The following GLI3 variants were observed in gnomAD, a reference collection of about 807,000 sequenced individuals.
The protein encoded by GLI3 is transcription activator GLI3.
A neutral mutation model predicts 100.8 loss-of-function variants in GLI3; 20 were observed. The ratio of observed to expected loss-of-function variants is 0.20; its 90% confidence interval spans 0.14 to 0.29. The LOEUF (loss-of-function observed/expected upper bound fraction) is 0.29. GLI3 is among the 10% of genes least tolerant of loss of function. The pLI, the probability that GLI3 is intolerant of heterozygous loss-of-function variation, is 1.00. For synonymous variants in GLI3, 938 were observed against 860.5 expected, an observed-to-expected ratio of 1.09 and a Z score of -1.58; for missense variants, 2,040 against 2,128.5, an observed-to-expected ratio of 0.96 and a Z score of 0.82.
In GLI3 at chr7:42,148,319, C is replaced by A. The variant is rs1193014287; in HGVS notation, c.274G>T (p.Gly92Trp). Residue 92 changes from glycine to tryptophan, a missense_variant, in exon 3 of 15, where the codon GGG (glycine) becomes TGG (tryptophan). Transcript: ENST00000395925. ...RASLIKKEIH[G>W]SLPHVAEPSV... ...GGCTCCGCCACGTGTGGCAGGGACC[C>A]ATGGATCTCTTTCTTGATCAATGAG... 6.2e-7 allele frequency: 1 copy of A among 1,613,680 alleles called. No individual in the cohort carries two copies. The highest frequency in any genetic ancestry group is 1.1e-5 in the South Asian group (1 of 90,986).
chr7:42,180,818 T>G (rs897529209), intron 2 of GLI3, among the ~76,000 whole-genome samples: 3 of 152,242 alleles, frequency 2.0e-5, no homozygotes, highest in African/African-American at 7.2e-5. Context: ...GTAATTACCC[T>G]TTCTATTGTC....
At chr7:42,254,225 A>AAC (rs902776487) in intron 1 of GLI3, among the ~76,000 whole-genome samples, 1 of 151,594 alleles carries the variant, frequency 6.6e-6, no homozygotes, top group African/African-American at 2.4e-5. Context: ...GTTAAAAAAA[A>AAC]AAAAAAAGCC....
chr7:42,112,388 T>A (rs552914720), intron 3 of GLI3, among the ~76,000 whole-genome samples: 27 of 152,268 alleles, frequency 1.8e-4, no homozygotes, highest in Non-Finnish European at 3.2e-4. Context: ...CTAGATAGAA[T>A]GAATAAGATC....
intron 3 of GLI3, among the ~76,000 whole-genome samples, chr7:42,125,253 G>A (rs554719162): frequency 2.2e-4 from 33 of 152,256 alleles, no homozygotes; most frequent in South Asian, 6.2e-4. Flanking sequence ...TACAGGTGGC[G>A]CCAAGGTCCC....
intron 7 of GLI3, among the ~76,000 whole-genome samples, chr7:42,038,926 A>G (rs1274487942): frequency 6.6e-6 from 1 of 152,184 alleles, no homozygotes; most frequent in Non-Finnish European, 1.5e-5. Context: ...ATGAACAACT[A>G]ACGCTACCGC....
chr7:42,069,046 ACAG>A (rs1248984325), intron 4 of GLI3, among the ~76,000 whole-genome samples: 1 of 152,198 alleles, frequency 6.6e-6, no homozygotes, highest in Non-Finnish European at 1.5e-5. Context: ...GGCCCCCGCA[ACAG>A]GTTTGACAGC....
At chr7:42,119,971 C>T (rs920961380) in intron 3 of GLI3, among the ~76,000 whole-genome samples, 1 of 152,190 alleles carries the variant, frequency 6.6e-6, no homozygotes, top group African/African-American at 2.4e-5. Context: ...CAGACACACG[C>T]ACACACGCCC....
intron 3 of GLI3, among the ~76,000 whole-genome samples, chr7:42,132,245 C>CGCCTGCCACCACGCCT (rs201880044): frequency 0.32 from 46,018 of 145,278 alleles, 8,544 homozygotes; most frequent in African/African-American, 0.57. Context: ...GGACTACAGG[C>CGCCTGCCACCACGCCT]GCCCGCCACT....
At chr7:42,162,852 C>T (rs564410164) in intron 2 of GLI3, among the ~76,000 whole-genome samples, 4 of 152,020 alleles carry the variant, frequency 2.6e-5, no homozygotes, top group Admixed American at 1.3e-4. Context: ...CCAAGTAGCT[C>T]GGCCTTACAA....
chr7:42,230,265 C>T (rs1030169940), intron 1 of GLI3, among the ~76,000 whole-genome samples: 2 of 152,068 alleles, frequency 1.3e-5, no homozygotes, highest in Non-Finnish European at 2.9e-5. Flanking sequence ...TCTATCTGTC[C>T]GCTTTGCCAT....
chr7:42,257,633 C>T (rs943739313), intron 1 of GLI3, among the ~76,000 whole-genome samples: 2 of 152,012 alleles, frequency 1.3e-5, no homozygotes, highest in African/African-American at 4.8e-5. Context: ...CATGAGCCAC[C>T]GTGCACGTCC....
intron 12 of GLI3, among the ~76,000 whole-genome samples, 157 bp downstream of exon 12, chr7:41,977,401 T>A (rs1344394590): frequency 1.3e-5 from 2 of 152,190 alleles, no homozygotes; most frequent in African/African-American, 4.8e-5. Flanking sequence ...CAGTCCCACC[T>A]AGGAAGCTCA....
intron 2 of GLI3, among the ~76,000 whole-genome samples, chr7:42,208,504 C>T (rs368511900): frequency 6.6e-6 from 1 of 152,146 alleles, no homozygotes; most frequent in East Asian, 1.9e-4. Flanking sequence ...CCCCAGCTCC[C>T]GCCTGTAAAT....
At position 42,147,647 on chromosome 7, in the gene GLI3, G is replaced by A. The variant is rs539891381; in HGVS notation, c.367+579C>T. Among the ~76,000 whole-genome samples, 8 of 152,292 alleles carry A rather than the reference G, an allele frequency of 5.3e-5. No homozygotes were observed. In the East Asian group the frequency reaches 9.7e-4, roughly 18 times the overall value. On this transcript the variant is annotated intron_variant, in intron 3 of 14. Transcript: ENST00000395925. ...AGTTAATTTCTTAAACGTGATTAGT[G>A]CTGAGAAAGGAGCTTCTGATGTGTC...
intron 1 of GLI3, among the ~76,000 whole-genome samples, chr7:42,234,052 TACA>T (rs748510555): frequency 6.6e-6 from 1 of 152,232 alleles, no homozygotes; most frequent in Non-Finnish European, 1.5e-5. Flanking sequence ...GCTGGGGATT[TACA>T]ACAATTGCAT....
At chr7:42,043,814 G>T (rs1784190485) in intron 6 of GLI3, among the ~76,000 whole-genome samples, 1 of 152,058 alleles carries the variant, frequency 6.6e-6, no homozygotes, top group Non-Finnish European at 1.5e-5. Flanking sequence ...ACCTTCCAAG[G>T]ATTCTCTCTT....
At chr7:42,156,083 A>G (rs1670787727) in intron 2 of GLI3, among the ~76,000 whole-genome samples, 1 of 152,162 alleles carries the variant, frequency 6.6e-6, no homozygotes, top group Non-Finnish European at 1.5e-5. Flanking sequence ...GCACAAACCC[A>G]AGGGTACTAA....
At chr7:42,138,728 T>G (rs1385858199) in intron 3 of GLI3, among the ~76,000 whole-genome samples, 2 of 152,172 alleles carry the variant, frequency 1.3e-5, no homozygotes, top group Non-Finnish European at 2.9e-5. Context: ...CCACGTGCAC[T>G]TCTCTGCTCT....
intron 2 of GLI3, among the ~76,000 whole-genome samples, chr7:42,215,924 T>C (rs1391344690): frequency 6.6e-6 from 1 of 152,150 alleles, no homozygotes; most frequent in Admixed American, 6.5e-5. Context: ...GCCGAACCAT[T>C]CAGAGAATAC....
Sources: gnomAD v4.1 joint callset for allele counts (sites outside exome capture counted in the v4.1 genomes callset) on GRCh38, gnomAD v4.1.1 for gene constraint, MANE v1.5 for transcripts, NCBI Gene and HGNC (gene_info 2026-07-23, HGNC 2026-07-21) for gene names.